Variants in PFKFB2 observed in about 807,000 individuals in gnomAD.
The protein encoded by PFKFB2 is 6-phosphofructo-2-kinase/fructose-2,6-biphosphatase 2, also known as 6-phosphofructo-2-kinase/fructose-2,6-bisphosphatase 2.
In PFKFB2, 53 loss-of-function variants were observed where a neutral mutation model predicts 68.0. That is an observed-to-expected ratio of 0.78 (90% confidence interval 0.63 to 0.98). The LOEUF (loss-of-function observed/expected upper bound fraction) is 0.98. Ranked by LOEUF, PFKFB2 falls within the 50% of genes least tolerant of loss-of-function variation. The probability of loss-of-function intolerance (pLI) is 0.00; values close to 1 mark genes in which losing one functional copy is unlikely to be tolerated. For missense variants in PFKFB2, 451 were observed against 642.0 expected (o/e 0.70, Z 3.22); for synonymous variants, 222 against 227.6 (o/e 0.98, Z 0.22).
chr1:207,053,576 TCTTCCGTC>T (rs1378894184), intron 1 of PFKFB2, among the ~76,000 whole-genome samples: 1 of 152,170 alleles, frequency 6.6e-6, no homozygotes, highest in Non-Finnish European at 1.5e-5. Flanking sequence ...AGGCGCAGGA[TCTTCCGTC>T]CTCACCAGCC....
intron 2 of PFKFB2, 130 bp from the exon 3 acceptor site, chr1:207,061,823 A>G: frequency 1.3e-6 from 1 of 748,820 alleles, no homozygotes; most frequent in Non-Finnish European, 2.3e-6. Flanking sequence ...CGGAGGTTGC[A>G]ATGAGCTGAG....
intron 2 of PFKFB2, among the ~76,000 whole-genome samples, chr1:207,055,641 T>C (rs2102337752): frequency 6.8e-6 from 1 of 147,676 alleles, no homozygotes; most frequent in South Asian, 2.2e-4. Context: ...ACTTCAGTGG[T>C]TATATATATA....
At chr1:207,049,353 T>C, upstream of PFKFB2, 3 of 1,614,206 alleles carry the variant, frequency 1.9e-6, no homozygotes, top group East Asian at 4.5e-5. Flanking sequence ...GTGTATCCAC[T>C]ACACATATTT....
At chr1:207,036,394 G>A (rs757354018) in intron 1 of PFKFB2, among the ~76,000 whole-genome samples, 5 of 152,162 alleles carry the variant, frequency 3.3e-5, no homozygotes, top group Non-Finnish European at 7.4e-5. Flanking sequence ...TATGTTGATC[G>A]CATAACAGGC....
At chr1:207,036,439 C>T (rs901599463) in intron 1 of PFKFB2, among the ~76,000 whole-genome samples, 1 of 152,186 alleles carries the variant, frequency 6.6e-6, no homozygotes, top group Admixed American at 6.5e-5. Flanking sequence ...GAGTAACAAC[C>T]TCAAATGGGT....
In PFKFB2 at chr1:207,072,506, A is replaced by G; in HGVS notation, c.*135A>G. 1 of 1,448,704 alleles carries G rather than the reference A, an allele frequency of 6.9e-7. No homozygotes were observed. The highest frequency in any genetic ancestry group is 9.1e-7 in the Non-Finnish European group (1 of 1,101,306). 89.7% of individuals were successfully genotyped at this position (1,448,704 alleles called of 1,614,324 possible). A position where few individuals can be genotyped will look rare whatever the true frequency, so the allele number is the denominator to read the frequency against. On this transcript the variant is annotated 3_prime_UTR_variant, in exon 15 of 15. Transcript: ENST00000367080. ...GCCCACCCCTGACACTTCACCATTA[A>G]TCTTAACACAGAACATGAGGTTATG...
intron 2 of PFKFB2, chr1:207,046,923 TG>T (rs1363047048): frequency 6.6e-6 from 1 of 152,118 alleles, no homozygotes; most frequent in Non-Finnish European, 1.5e-5. Flanking sequence ...GATCTAAAGC[TG>T]TAGTAAGCAA....
intron 8 of PFKFB2, among the ~76,000 whole-genome samples, chr1:207,067,007 G>C (rs1424486668): frequency 6.6e-6 from 1 of 152,196 alleles, no homozygotes; most frequent in Non-Finnish European, 1.5e-5. Flanking sequence ...AGCAAGCAAT[G>C]TCTGAAAGTG....
chr1:207,071,564 C>G lies in PFKFB2; in HGVS notation c.1341C>G (p.Asp447Glu). 1 of 1,613,000 alleles carries G rather than the reference C, an allele frequency of 6.2e-7. No individual in the cohort carries two copies. The highest frequency in any genetic ancestry group is 8.5e-7 in the Non-Finnish European group (1 of 1,178,990). Residue 447 changes from aspartate (D) to glutamate (E), a missense_variant, in exon 14 of 15, where the codon GAC (aspartate) becomes GAG (glutamate). By Grantham distance (45) the Asp-to-Glu change is conservative (BLOSUM62 2). Coordinates refer to ENST00000367080, the MANE Select transcript of PFKFB2 (RefSeq NM_006212.2). ...LNVEAVNTHR[D>E]KPTNNFPKNQ... Reference sequence around the variant, plus strand: ...TGGAGGCTGTGAACACGCACCGTGACAAGCCAACTGTAAGTATTTTCCCAC... The same window carrying G: ...TGGAGGCTGTGAACACGCACCGTGAGAAGCCAACTGTAAGTATTTTCCCAC...
At chr1:207,065,320 A>G (rs1683252150) in intron 8 of PFKFB2, 160 bp downstream of exon 8, 1 of 984,222 alleles carries the variant, frequency 1.0e-6, no homozygotes, top group African/African-American at 1.8e-5. Flanking sequence ...TTTTATGTGG[A>G]TTGCATCTTG....
rs1683505811 is a variant in PFKFB2 at position 207,072,759 on chromosome 1, G to A, written c.*388G>A. Reference sequence around the variant, plus strand: ...TGTTGGTGAAGTGTTGGGGGATGGAGGGCGGGTGAGCAGTCGGGGGACAAA... The same window carrying A: ...TGTTGGTGAAGTGTTGGGGGATGGAAGGCGGGTGAGCAGTCGGGGGACAAA... On this transcript the variant is annotated 3_prime_UTR_variant, in exon 15 of 15. Coordinates refer to ENST00000367080, the MANE Select transcript of PFKFB2 (RefSeq NM_006212.2). 1 of 1,013,072 alleles carries A rather than the reference G, an allele frequency of 9.9e-7. No individual in the cohort carries two copies. The highest frequency in any genetic ancestry group is 4.5e-5 in the South Asian group (1 of 22,468). 62.8% of individuals were successfully genotyped at this position (1,013,072 alleles called of 1,614,324 possible).
At chr1:207,036,035 T>C (rs1682371749) in intron 1 of PFKFB2, among the ~76,000 whole-genome samples, 1 of 152,184 alleles carries the variant, frequency 6.6e-6, no homozygotes, top group African/African-American at 2.4e-5. Context: ...GGGGTTTGGC[T>C]GGGCATGATC....
At chr1:207,069,363 G>C in intron 10 of PFKFB2, 61 bp from the exon 11 acceptor site, 6 of 1,090,518 alleles carry the variant, frequency 5.5e-6, no homozygotes. Flanking sequence ...TTCCTTATTT[G>C]GGATGGGGCT....
chr1:207,074,829 G>A lies in PFKFB2; in HGVS notation c.*2458G>A. On this transcript the variant is annotated 3_prime_UTR_variant, in exon 15 of 15. Coordinates refer to ENST00000367080, the MANE Select transcript of PFKFB2 (RefSeq NM_006212.2). ...ATAGCAACAGTCTGAGTCTAGAAGT[G>A]TTCAACCATCACATCGCTTCTCCTG... is the stretch of plus-strand genomic sequence containing the variant. The A allele has an allele frequency of 2.0e-6, 2 of 985,442 alleles. No individual in the cohort carries two copies. The highest frequency in any genetic ancestry group is 2.4e-6 in the Non-Finnish European group (2 of 829,930). The allele number at this position is 985,442 out of a possible 1,614,324, so 61.0% of individuals were successfully genotyped here. A position where few individuals can be genotyped will look rare whatever the true frequency, so the allele number is the denominator to read the frequency against.
chr1:207,052,331 A>T, upstream of PFKFB2: 1 of 1,087,546 alleles, frequency 9.2e-7, no homozygotes, highest in Non-Finnish European at 1.4e-6. Context: ...AGCCTGGGTT[A>T]GGGGGTAGGT....
At chr1:207,051,146 G>C, upstream of PFKFB2, 1 of 1,421,284 alleles carries the variant, frequency 7.0e-7, no homozygotes, top group Non-Finnish European at 9.1e-7. Flanking sequence ...CCCACCCTCA[G>C]AACGAAGATG....
At chr1:207,044,079 G>A (rs1332539738) in intron 2 of PFKFB2, 1 of 152,408 alleles carries the variant, frequency 6.6e-6, no homozygotes, top group Non-Finnish European at 1.5e-5. Flanking sequence ...CTGTCCATCT[G>A]CATTAAGAAA....
At chr1:207,049,545 C>T (rs748877940), upstream of PFKFB2, 1 of 1,614,126 alleles carries the variant, frequency 6.2e-7, no homozygotes, top group East Asian at 2.2e-5. Context: ...AAGCTGGATT[C>T]AAGACTCCTC....
At chr1:207,069,920 T>C (rs1683415801) in intron 11 of PFKFB2, among the ~76,000 whole-genome samples, 1 of 152,154 alleles carries the variant, frequency 6.6e-6, no homozygotes, top group Non-Finnish European at 1.5e-5. Flanking sequence ...ACTCTAGGGA[T>C]GTGTGAGGCA....
Sources: allele counts gnomAD v4.1 joint callset (sites outside exome capture counted in the v4.1 genomes callset), GRCh38; gene constraint gnomAD v4.1.1; transcripts MANE v1.5; gene names NCBI Gene and HGNC (gene_info 2026-07-23, HGNC 2026-07-21).